Variants in ERG observed in about 807,000 individuals in gnomAD.
The protein encoded by ERG is transcriptional regulator ERG.
Under a neutral mutation model 55.3 loss-of-function variants are expected in ERG, and 9 were observed. The ratio of observed to expected loss-of-function variants is 0.16; its 90% CI spans 0.10 to 0.28. The LOEUF (loss-of-function observed/expected upper bound fraction) is 0.28, where lower values mean the gene tolerates loss of function less well. ERG is among the 10% of genes least tolerant of loss of function. The pLI, the probability that ERG is intolerant of heterozygous loss-of-function variation, is 1.00. For missense variants in ERG, 434 were observed against 631.6 expected (o/e 0.69, Z 3.35); for synonymous variants, 223 against 237.3 (o/e 0.94, Z 0.55).
chr21:38,395,329 G>A (rs540912405), intron 6 of ERG: 5 of 228,068 alleles, frequency 2.2e-5, no homozygotes, highest in Non-Finnish European at 3.5e-5. Flanking sequence ...CAAAACCTTC[G>A]TAGTTCTGCT....
chr21:38,645,522 G>T (rs9981408), intron 1 of ERG, among the ~76,000 whole-genome samples: 35,367 of 152,038 alleles, frequency 0.23, 4,205 homozygotes, highest in East Asian at 0.29. Context: ...TTCAGATCTG[G>T]GTTCCACGTG....
intron 1 of ERG, among the ~76,000 whole-genome samples, chr21:38,465,705 A>G (rs2059082745): frequency 6.6e-6 from 1 of 152,222 alleles, no homozygotes; most frequent in Non-Finnish European, 1.5e-5. Context: ...GCTGCGTACT[A>G]AAATTGCTCT....
chr21:38,398,297 G>A (rs1014821479), intron 6 of ERG, among the ~76,000 whole-genome samples: 4 of 150,090 alleles, frequency 2.7e-5, no homozygotes, highest in Non-Finnish European at 6.0e-5. Flanking sequence ...TGGATGACCC[G>A]AGGTGTATAA....
chr21:38,423,708 C>G (rs889559920), intron 2 of ERG, 147 bp from the exon 3 acceptor site: 1 of 838,236 alleles, frequency 1.2e-6, no homozygotes, highest in African/African-American at 1.7e-5. Context: ...CAAATACAGG[C>G]GGGGTGCCGT....
intron 2 of ERG, 55 bp from the exon 3 acceptor site, chr21:38,423,616 A>G (rs1483767692): frequency 5.2e-6 from 8 of 1,536,262 alleles, no homozygotes; most frequent in African/African-American, 2.7e-5. Context: ...GCATGTCTCC[A>G]TCGACTTCTC....
At chr21:38,424,184 CGA>C (rs796981045) in intron 2 of ERG, among the ~76,000 whole-genome samples, 21,628 of 62,984 alleles carry the variant, frequency 0.34, 2,103 homozygotes, top group East Asian at 0.43. Flanking sequence ...GACCAGAGCT[CGA>C]GCTCTCTCTC....
At chr21:38,499,207 G>A (rs548577902), upstream of ERG, among the ~76,000 whole-genome samples, 11 of 152,202 alleles carry the variant, frequency 7.2e-5, no homozygotes, top group African/African-American at 1.9e-4. Context: ...CAAATGTCCC[G>A]GAATATCAGT....
intron 6 of ERG, among the ~76,000 whole-genome samples, chr21:38,395,940 G>A (rs77010674): frequency 6.4e-4 from 97 of 152,206 alleles, no homozygotes; most frequent in African/African-American, 2.1e-3. Flanking sequence ...CCGCCACCCC[G>A]CTGCCTACCC....
chr21:38,448,989 T>C (rs2058916805), intron 1 of ERG: 1 of 152,252 alleles, frequency 6.6e-6, no homozygotes, highest in Admixed American at 6.5e-5. Context: ...GCTCCTCCTC[T>C]TTATAACTAG....
chr21:38,516,281 G>T (rs2059550961), intron 2 of ERG, among the ~76,000 whole-genome samples: 1 of 151,866 alleles, frequency 6.6e-6, no homozygotes, highest in Admixed American at 6.6e-5. Context: ...ATTCAGTAAA[G>T]TTGCAGGATA....
intron 2 of ERG, among the ~76,000 whole-genome samples, chr21:38,528,380 G>A (rs190251130): frequency 2.7e-4 from 39 of 146,460 alleles, no homozygotes; most frequent in African/African-American, 9.1e-4. Context: ...TTACTGACAC[G>A]ATTCAACCCA....
intron 2 of ERG, among the ~76,000 whole-genome samples, chr21:38,516,512 C>G (rs561056304): frequency 2.2e-4 from 33 of 151,958 alleles, no homozygotes; most frequent in African/African-American, 7.2e-4. Flanking sequence ...ATCAGAAGAA[C>G]TAATATCATT....
intron 2 of ERG, among the ~76,000 whole-genome samples, chr21:38,513,281 A>G (rs2059528481): frequency 6.6e-6 from 1 of 152,136 alleles, no homozygotes; most frequent in South Asian, 2.1e-4. Flanking sequence ...GTAAGATAAC[A>G]AGTGAAACTT....
At chr21:38,379,815 C>G (rs1175335315), downstream of ERG, among the ~76,000 whole-genome samples, 1 of 152,132 alleles carries the variant, frequency 6.6e-6, no homozygotes, top group Non-Finnish European at 1.5e-5. Context: ...TCACTGCAGC[C>G]TTGAACTCCT....
chr21:38,401,529 C>T (rs1247651546), intron 5 of ERG, among the ~76,000 whole-genome samples: 1 of 152,120 alleles, frequency 6.6e-6, no homozygotes, highest in Non-Finnish European at 1.5e-5. Flanking sequence ...TGAGCAATTT[C>T]ATTGTAATAC....
In ERG at chr21:38,643,063, A is replaced by G. The variant is rs1405902558; in HGVS notation, c.-150+18595T>C. Among the ~76,000 whole-genome samples the G allele has an allele frequency of 2.0e-5, 3 of 152,222 alleles. 1 individual carries two copies. The highest frequency in any genetic ancestry group is 7.2e-5 in the African/African-American group (3 of 41,456). ...GCATCAAAGTGATCCACTGAAAAGA[A>G]TTAAGTCAACTGCAGAGTTCCAGAT... is the stretch of plus-strand genomic sequence containing the variant. On this transcript the variant is annotated intron_variant, in intron 1 of 10. Coordinates refer to the ERG transcript ENST00000398910.
chr21:38,431,945 T>C (rs1990233363), intron 2 of ERG, among the ~76,000 whole-genome samples: 1 of 152,128 alleles, frequency 6.6e-6, no homozygotes, highest in African/African-American at 2.4e-5. Context: ...CTCTCCTCCT[T>C]ACTGGCTGCC....
At position 38,622,798 on chromosome 21, in the gene ERG, AACAC is replaced by A. The variant is rs563478884; in HGVS notation, c.-149-37857_-149-37854del. ...CACATCACATACACACCATACCACA[AACAC>A]ACACAATCACATATACACCACACAT... On this transcript the variant is annotated intron_variant, in intron 1 of 10. Transcript: ENST00000398910. Among the ~76,000 whole-genome samples, 57 of 147,122 alleles carry A rather than the reference AACAC, an allele frequency of 3.9e-4. No homozygotes were observed. In the South Asian group the frequency reaches 8.1e-3, roughly 21 times the overall value.
chr21:38,414,998 C>T (rs1483120782), intron 3 of ERG, among the ~76,000 whole-genome samples: 1 of 152,200 alleles, frequency 6.6e-6, no homozygotes, highest in African/African-American at 2.4e-5. Flanking sequence ...CCCTCTCCAC[C>T]TCCTTTGTTT....
Sources: allele counts gnomAD v4.1 joint callset (sites outside exome capture counted in the v4.1 genomes callset), GRCh38; gene constraint gnomAD v4.1.1; transcripts MANE v1.5; gene names NCBI Gene and HGNC (gene_info 2026-07-23, HGNC 2026-07-21).